Variants in PWP1 observed in about 807,000 individuals in gnomAD.
PWP1 encodes periodic tryptophan protein 1 homolog.
A neutral mutation model predicts 69.9 loss-of-function variants in PWP1; 47 were observed. The observed-to-expected ratio is 0.67, with a 90% CI of 0.53 to 0.86. The LOEUF (loss-of-function observed/expected upper bound fraction) is 0.86, where lower values mean the gene tolerates loss of function less well. Ranked by LOEUF, PWP1 falls within the 40% of genes least tolerant of loss-of-function variation. The pLI is 0.00. For synonymous variants in PWP1, 222 were observed against 208.2 expected (o/e 1.07, Z -0.57); for missense variants, 551 against 608.8 (o/e 0.91, Z 1.00).
Position 107,710,424 on chromosome 12 carries a change from C to T in PWP1, c.1310C>T (p.Ser437Leu). The T allele has an allele frequency of 6.2e-7, 1 of 1,613,636 alleles. No homozygotes were observed. The highest frequency in any genetic ancestry group is 8.5e-7 in the Non-Finnish European group (1 of 1,179,690). Residue 437 changes from serine to leucine, a missense_variant, in exon 14 of 15, where the codon TCA (serine) becomes TTA (leucine). By Grantham distance (145) the Ser-to-Leu change is moderately radical. Coordinates refer to ENST00000412830, the MANE Select transcript of PWP1 (RefSeq NM_007062.3). ...CTCTAGGGAGTTCTCTTCTGTTCTT[C>T]ATGTTGCCCTGATTTGCCATTTATT... is the stretch of plus-strand genomic sequence containing the variant. ...DMKMGVLFCS[S>L]CCPDLPFIYA...
rs1226028385 is a variant in PWP1 at position 107,708,979 on chromosome 12, A to G, written c.1131A>G (p.Pro377=). The G allele has an allele frequency of 1.9e-6, 3 of 1,613,916 alleles. No homozygotes were observed. Among genetic ancestry groups the G allele is most frequent in the Non-Finnish European group, 8.5e-7 (1 of 1,179,902 alleles). The change falls in exon 12 of 15, where the codon CCA becomes CCG. Residue 377 remains proline, a synonymous_variant. Transcript: ENST00000412830. The part of the protein sequence containing the change: ...VYNLDARSDK[P]IFTLNAHNDE... ...ATTTGGATGCACGTTCAGATAAGCC[A>G]ATTTTTACACTTAATGCACACAATG...
At chr12:107,698,813 G>A (rs754692533) in intron 7 of PWP1, among the ~76,000 whole-genome samples, 4 of 152,092 alleles carry the variant, frequency 2.6e-5, no homozygotes, top group Non-Finnish European at 5.9e-5. Context: ...GGCTGGTCTC[G>A]AACTCCCGGC....
chr12:107,712,378 G>T lies in PWP1; in HGVS notation c.*158G>T. 3.5e-6 allele frequency: 2 copies of T among 563,472 alleles called. No individual in the cohort carries two copies. The highest frequency in any genetic ancestry group is 2.4e-5 in the South Asian group (1 of 41,344). The allele number at this position is 563,472 out of a possible 1,614,324, so 34.9% of individuals were successfully genotyped here. On this transcript the variant is annotated 3_prime_UTR_variant, in exon 15 of 15. Coordinates refer to ENST00000412830, the MANE Select transcript of PWP1 (RefSeq NM_007062.3). ...AACTGCGGTGGCACCACAAATATCC[G>T]GTCTTTGTGCTTGCTCTTCAGATGG...
intron 5 of PWP1, among the ~76,000 whole-genome samples, chr12:107,694,657 C>A (rs1001446174): frequency 6.6e-6 from 1 of 152,136 alleles, no homozygotes; most frequent in African/African-American, 2.4e-5. Context: ...AAGACCAATT[C>A]TAATTTCAAA....
intron 7 of PWP1, among the ~76,000 whole-genome samples, chr12:107,698,879 G>A (rs575260109): frequency 6.6e-5 from 10 of 152,310 alleles, no homozygotes; most frequent in South Asian, 2.1e-4. Flanking sequence ...AGTGTGGGCC[G>A]CTGCACCCAG....
chr12:107,693,411 G>T (rs11113443), intron 5 of PWP1, among the ~76,000 whole-genome samples: 2 of 151,958 alleles, frequency 1.3e-5, no homozygotes, highest in Non-Finnish European at 2.9e-5. Flanking sequence ...CTGGGCTGAC[G>T]TAATCCTGAT....
intron 12 of PWP1, 47 bp downstream of exon 12, chr12:107,709,063 G>A (rs781548341): frequency 1.9e-6 from 3 of 1,613,554 alleles, no homozygotes; most frequent in East Asian, 4.5e-5. Flanking sequence ...TTATGATGAA[G>A]TAAATCTGTA....
In PWP1 at chr12:107,707,483, A is replaced by G. The variant is rs998350440; in HGVS notation, c.1078-1443A>G. On this transcript the variant is annotated intron_variant, in intron 11 of 14. Coordinates refer to ENST00000412830, the MANE Select transcript of PWP1 (RefSeq NM_007062.3). Reference sequence around the variant, plus strand: ...CATCCCTGTCTTGTGCCAGTTTTCAAAGGGAGTGCTTCCAGTTTTTGCCCA... The same window carrying G: ...CATCCCTGTCTTGTGCCAGTTTTCAGAGGGAGTGCTTCCAGTTTTTGCCCA... Among the ~76,000 whole-genome samples, 277 of 152,342 alleles carry G rather than the reference A, an allele frequency of 1.8e-3. 2 individuals carry two copies. The highest frequency in any genetic ancestry group is 1.6e-3 in the Non-Finnish European group (106 of 68,028).
chr12:107,703,104 G>T, intron 9 of PWP1, 73 bp downstream of exon 9: 1 of 1,062,984 alleles, frequency 9.4e-7, no homozygotes, highest in Non-Finnish European at 1.4e-6. Flanking sequence ...AATCCCAAAC[G>T]TTTATATATG....
intron 11 of PWP1, 139 bp downstream of exon 11, chr12:107,704,886 T>G: frequency 1.6e-6 from 1 of 607,282 alleles, no homozygotes; most frequent in Non-Finnish European, 2.8e-6. Context: ...AAGCATAAGG[T>G]GTTTTTTTTT....
At chr12:107,704,440 G>A (rs1321833449) in intron 10 of PWP1, among the ~76,000 whole-genome samples, 196 bp from the exon 11 acceptor site, 1 of 152,192 alleles carries the variant, frequency 6.6e-6, no homozygotes, top group African/African-American at 2.4e-5. Flanking sequence ...AGAGGCACCA[G>A]TGCCTTCAAG....
chr12:107,705,377 T>G (rs554642039), intron 11 of PWP1, among the ~76,000 whole-genome samples: 121 of 152,152 alleles, frequency 8.0e-4, no homozygotes, highest in Middle Eastern at 3.4e-3. Flanking sequence ...AAAGAGTTTT[T>G]TTTTTTTTTT....
At chr12:107,706,617 T>A (rs2136285756) in intron 11 of PWP1, among the ~76,000 whole-genome samples, 1 of 152,354 alleles carries the variant, frequency 6.6e-6, no homozygotes, top group Non-Finnish European at 1.5e-5. Context: ...TTTCTACATA[T>A]GGCTAGCCAG....
In PWP1 at chr12:107,712,249, T is replaced by G. The variant is rs774302050; in HGVS notation, c.*29T>G. The G allele has an allele frequency of 1.3e-6, 2 of 1,558,768 alleles. No homozygotes were observed. Among genetic ancestry groups the G allele is most frequent in the Admixed American group, 1.7e-5 (1 of 59,268 alleles). On this transcript the variant is annotated 3_prime_UTR_variant, in exon 15 of 15. Transcript: ENST00000412830. ...AGATCATCTAATTTCCTGCTTACCT[T>G]AACTGGGAATTTTAAAAAGTTGGCC...
At chr12:107,708,665 G>T (rs1889876615) in intron 11 of PWP1, among the ~76,000 whole-genome samples, 1 of 152,114 alleles carries the variant, frequency 6.6e-6, no homozygotes, top group African/African-American at 2.4e-5. Flanking sequence ...TGTAACTATG[G>T]CCTCTTTTCT....
Position 107,713,096 on chromosome 12 carries a change from A to C in PWP1, c.*876A>C, listed in dbSNP as rs1298228981. On this transcript the variant is annotated 3_prime_UTR_variant, in exon 15 of 15. Coordinates refer to ENST00000412830, the MANE Select transcript of PWP1 (RefSeq NM_007062.3). ...ACTGTGGAATGTCATTGGTGTAGCA[A>C]CGTGGGTTCACCAAAACACCTTTTT... The C allele has an allele frequency of 6.6e-6, 1 of 152,246 alleles. No individual in the cohort carries two copies. Among genetic ancestry groups the C allele is most frequent in the East Asian group, 1.9e-4 (1 of 5,202 alleles). 9.4% of individuals were successfully genotyped at this position (152,246 alleles called of 1,614,324 possible). A position where few individuals can be genotyped will look rare whatever the true frequency, so the allele number is the denominator to read the frequency against.
At chr12:107,708,803 T>C (rs1002764074) in intron 11 of PWP1, 123 bp from the exon 12 acceptor site, 5 of 863,892 alleles carry the variant, frequency 5.8e-6, no homozygotes, top group Non-Finnish European at 7.2e-6. Flanking sequence ...TTTCTGTCCA[T>C]GTTAATTTTT....
At position 107,688,672 on chromosome 12, in the gene PWP1, G is replaced by A; in HGVS notation, c.189G>A (p.Met63Ile). Residue 63 changes from methionine to isoleucine, a missense_variant, in exon 3 of 15, where the codon ATG becomes ATA. Coordinates refer to ENST00000412830, the MANE Select transcript of PWP1 (RefSeq NM_007062.3). ...EETGSPSEDG[M>I]QSARTQARPR... ...CAGGCAGTCCTTCAGAAGATGGCAT[G>A]CAGAGTGCACGCACCCAGGCACGCC... is the stretch of plus-strand genomic sequence containing the variant. The A allele has an allele frequency of 6.2e-7, 1 of 1,614,224 alleles. No individual in the cohort carries two copies. Among genetic ancestry groups the A allele is most frequent in the Non-Finnish European group, 8.5e-7 (1 of 1,180,030 alleles).
chr12:107,706,308 G>C (rs1247423465), intron 11 of PWP1, among the ~76,000 whole-genome samples: 1 of 152,204 alleles, frequency 6.6e-6, no homozygotes, highest in Non-Finnish European at 1.5e-5. Flanking sequence ...TTTGTCAGAT[G>C]AGTAGATTGC....
Sources: allele counts gnomAD v4.1 joint callset (sites outside exome capture counted in the v4.1 genomes callset), GRCh38; gene constraint gnomAD v4.1.1; transcripts MANE v1.5; gene names NCBI Gene and HGNC (gene_info 2026-07-23, HGNC 2026-07-21).